Variants in ARHGAP32 observed in about 807,000 individuals in gnomAD.
ARHGAP32 encodes the protein Rho GTPase activating protein 32.
ARHGAP32 carries 51 observed loss-of-function variants against 186.5 expected under a neutral mutation model. The ratio of observed to expected loss-of-function variants is 0.27; its 90% confidence interval spans 0.22 to 0.35. The LOEUF (loss-of-function observed/expected upper bound fraction) is 0.35. ARHGAP32 is among the 10% of genes least tolerant of loss of function. The pLI is 1.00. For missense variants in ARHGAP32, 2,186 were observed against 2,623.5 expected (o/e 0.83, Z 3.64); for synonymous variants, 950 against 964.3 (o/e 0.99, Z 0.27).
intron 2 of ARHGAP32, among the ~76,000 whole-genome samples, chr11:129,141,430 C>CATAG (rs533008935): frequency 3.6e-3 from 543 of 152,000 alleles, no homozygotes; most frequent in Non-Finnish European, 5.1e-3. Context: ...AATGAGAACA[C>CATAG]ATAGACACAA....
At chr11:129,063,461 GA>G (rs1309803722) in intron 9 of ARHGAP32, among the ~76,000 whole-genome samples, 1 of 151,468 alleles carries the variant, frequency 6.6e-6, no homozygotes, top group Admixed American at 6.6e-5. Flanking sequence ...AACAATATGT[GA>G]AAAAAAATGT....
At chr11:129,064,988 G>A in intron 7 of ARHGAP32, 55 bp from the exon 8 acceptor site, 3 of 1,388,420 alleles carry the variant, frequency 2.2e-6, no homozygotes, top group South Asian at 1.3e-5. Flanking sequence ...CTCTCTGGCA[G>A]GGAAAACTGG....
At position 129,058,820 on chromosome 11, in the gene ARHGAP32, T is replaced by C. The variant is rs184687284; in HGVS notation, c.963+3460A>G. On this transcript the variant is annotated intron_variant, in intron 10 of 22. Coordinates refer to ENST00000682385, the MANE Select transcript of ARHGAP32 (RefSeq NM_001378024.1). The stretch of plus-strand genomic sequence containing the variant: ...GAAAATCAGGATGTGGAAAGATGTC[T>C]GATGTACAGTTACCATGATTGTCTT... Among the ~76,000 whole-genome samples, 34 of 152,370 alleles carry C rather than the reference T, an allele frequency of 2.2e-4. No homozygotes were observed. In the East Asian group the frequency reaches 5.6e-3, roughly 25 times the overall value.
chr11:129,073,348 GA>G (rs1940930715), intron 6 of ARHGAP32, among the ~76,000 whole-genome samples: 2 of 152,066 alleles, frequency 1.3e-5, no homozygotes, highest in Non-Finnish European at 2.9e-5. Flanking sequence ...AAGCTTTAAG[GA>G]AAAAGTAGAC....
At chr11:128,989,184 T>C (rs765922973) in intron 12 of ARHGAP32, among the ~76,000 whole-genome samples, 47 of 152,160 alleles carry the variant, frequency 3.1e-4, no homozygotes, top group Non-Finnish European at 5.6e-4. Flanking sequence ...TTGTCCTTCA[T>C]GCAATCCATC....
chr11:129,256,542 T>C (rs540612679), intron 1 of ARHGAP32, among the ~76,000 whole-genome samples: 10 of 152,276 alleles, frequency 6.6e-5, no homozygotes, highest in African/African-American at 2.4e-4. Context: ...AGGCTATTTT[T>C]GAAAGGCAAG....
intron 2 of ARHGAP32, chr11:129,125,774 G>C (rs2135387691): frequency 5.9e-6 from 2 of 337,452 alleles, no homozygotes; most frequent in South Asian, 5.1e-5. Context: ...ACAGTGTGCT[G>C]GGTTCAATTT....
At chr11:129,016,453 T>C (rs1938343009) in intron 11 of ARHGAP32, among the ~76,000 whole-genome samples, 2 of 152,204 alleles carry the variant, frequency 1.3e-5, no homozygotes, top group South Asian at 4.1e-4. Flanking sequence ...TAGGGAGAGA[T>C]ATATACTTTT....
chr11:129,117,505 C>A (rs1487095823), intron 5 of ARHGAP32, among the ~76,000 whole-genome samples: 1 of 151,966 alleles, frequency 6.6e-6, no homozygotes, highest in Non-Finnish European at 1.5e-5. Flanking sequence ...GCCTTCCCAG[C>A]ATCAAGGCAG....
At chr11:129,273,405 A>G (rs1204681112) in intron 1 of ARHGAP32, among the ~76,000 whole-genome samples, 3 of 152,106 alleles carry the variant, frequency 2.0e-5, no homozygotes. Flanking sequence ...ATAAAACAAG[A>G]AGGAAGGTCT....
chr11:128,987,069 C>T (rs903532693), intron 13 of ARHGAP32, among the ~76,000 whole-genome samples: 4 of 152,134 alleles, frequency 2.6e-5, no homozygotes, highest in South Asian at 2.1e-4. Flanking sequence ...GCAGAAATTC[C>T]TCAGATACAG....
intron 1 of ARHGAP32, among the ~76,000 whole-genome samples, chr11:129,234,450 T>C (rs1328356270): frequency 3.3e-5 from 5 of 151,986 alleles, no homozygotes; most frequent in African/African-American, 9.7e-5. Context: ...ATATGAAAAA[T>C]GTAAAATTTT....
chr11:129,259,387 C>T (rs1945293389), intron 1 of ARHGAP32, among the ~76,000 whole-genome samples: 3 of 152,020 alleles, frequency 2.0e-5, no homozygotes, highest in Admixed American at 6.6e-5. Flanking sequence ...TATTTTCATA[C>T]TGAGAGATGT....
chr11:129,200,021 T>C (rs1046028029), intron 1 of ARHGAP32, among the ~76,000 whole-genome samples: 4 of 152,196 alleles, frequency 2.6e-5, no homozygotes, highest in Non-Finnish European at 4.4e-5. Context: ...CCACTGGATT[T>C]TGGACTTACA....
chr11:129,263,553 C>A (rs369805990), intron 1 of ARHGAP32, among the ~76,000 whole-genome samples: 6 of 137,222 alleles, frequency 4.4e-5, no homozygotes, highest in Admixed American at 7.6e-5. Context: ...TGGCTACTGG[C>A]AAAAAAAAGG....
chr11:129,236,364 CCTT>C lies in ARHGAP32; in HGVS notation c.-5+42779_-5+42781del, dbSNP rs369976565. Among the ~76,000 whole-genome samples, 363 of 152,014 alleles carry C rather than the reference CCTT, an allele frequency of 2.4e-3. 2 individuals are homozygous for C. The South Asian group carries it at 0.034, about 14-fold the overall frequency. The stretch of plus-strand genomic sequence containing the variant: ...CATAGGCTTGTTAGACATTTGTATA[CCTT>C]CTTTTGAGAACTGTCTATCCATGTC... On this transcript the variant is annotated intron_variant, in intron 1 of 6. Transcript: ENST00000525234.
At chr11:129,200,381 T>C (rs1475963118) in intron 1 of ARHGAP32, among the ~76,000 whole-genome samples, 1 of 152,188 alleles carries the variant, frequency 6.6e-6, no homozygotes, top group African/African-American at 2.4e-5. Flanking sequence ...AGGGACCCAG[T>C]GGGTGATAAC....
At chr11:129,235,020 T>A (rs7107028) in intron 1 of ARHGAP32, among the ~76,000 whole-genome samples, 3,354 of 152,238 alleles carry the variant, frequency 0.022, 72 homozygotes, top group African/African-American at 0.051. Context: ...AAATTTAAGT[T>A]AAGGATCTTG....
intron 11 of ARHGAP32, among the ~76,000 whole-genome samples, chr11:129,033,821 TATTGAAATG>T (rs1433456018): frequency 6.6e-6 from 1 of 152,224 alleles, no homozygotes; most frequent in Non-Finnish European, 1.5e-5. Flanking sequence ...CAGTACTCTT[TATTGAAATG>T]ACTGTTCTTT....
Sources: allele counts gnomAD v4.1 joint callset (sites outside exome capture counted in the v4.1 genomes callset), GRCh38; gene constraint gnomAD v4.1.1; transcripts MANE v1.5; gene names NCBI Gene and HGNC (gene_info 2026-07-23, HGNC 2026-07-21).